Variants in ARL14EP observed in about 807,000 individuals in gnomAD.
ARL14EP encodes the protein ARF like GTPase 14 effector protein, also known as ARL14 effector protein.
ARL14EP carries 12 observed loss-of-function variants against 23.1 expected under a neutral mutation model. The ratio of observed to expected loss-of-function variants is 0.52; its 90% CI spans 0.33 to 0.84. The LOEUF (loss-of-function observed/expected upper bound fraction) is 0.84. Among genes scored for constraint, ARL14EP ranks in the 40% least tolerant of loss-of-function variants. The pLI, the probability that ARL14EP is intolerant of heterozygous loss-of-function variation, is 0.02. For synonymous variants in ARL14EP, 97 were observed against 102.0 expected, an observed-to-expected ratio of 0.95 and a Z score of 0.29; for missense variants, 253 against 307.3, an observed-to-expected ratio of 0.82 and a Z score of 1.32.
rs1370868789 is a variant in ARL14EP at position 30,336,831 on chromosome 11, T to C, written c.*36T>C. The C allele has an allele frequency of 6.4e-7, 1 of 1,551,144 alleles. No homozygotes were observed. Among genetic ancestry groups the C allele is most frequent in the Non-Finnish European group, 8.9e-7 (1 of 1,123,720 alleles). ...CAAACTATGGAGCCTTTAAAGGTCT[T>C]TATTTCTAAAAATCTGTTACTCTAA... On this transcript the variant is annotated 3_prime_UTR_variant, in exon 4 of 4. Coordinates refer to ENST00000282032, the MANE Select transcript of ARL14EP (RefSeq NM_152316.3).
At chr11:30,334,028 A>G (rs1400844877) in intron 3 of ARL14EP, among the ~76,000 whole-genome samples, 1 of 152,146 alleles carries the variant, frequency 6.6e-6, no homozygotes, top group Non-Finnish European at 1.5e-5. Context: ...ACCCTCTTCA[A>G]TTCTCTGAAG....
chr11:30,331,398 C>T (rs11031050), intron 2 of ARL14EP, 24 bp downstream of exon 2: 7 of 1,613,210 alleles, frequency 4.3e-6, no homozygotes, highest in African/African-American at 4.0e-5. Flanking sequence ...TCATTTTTTT[C>T]TACATTGTGA....
intron 1 of ARL14EP, among the ~76,000 whole-genome samples, chr11:30,327,573 C>T (rs1046299410): frequency 6.6e-6 from 1 of 151,958 alleles, no homozygotes; most frequent in African/African-American, 2.4e-5. Flanking sequence ...TGATGATTAC[C>T]TCCAAATAAA....
chr11:30,326,820 AGTTTTACTCAGGTGTGTG>A, intron 1 of ARL14EP, among the ~76,000 whole-genome samples: 1 of 65,598 alleles, frequency 1.5e-5, no homozygotes, highest in East Asian at 1.2e-3. Flanking sequence ...AGGTGTGTGC[AGTTTTACTCAGGTGTGTG>A]CAGTTTTACT....
In ARL14EP at chr11:30,330,657, A is replaced by G. The variant is rs561768688; in HGVS notation, c.-63-229A>G. ...AATATTTCTTATTTCCTCCTTTTTAATTCTTATGTGGTCTTAAATATAATC... is the reference window on the plus strand; with the variant it reads ...AATATTTCTTATTTCCTCCTTTTTAGTTCTTATGTGGTCTTAAATATAATC... On this transcript the variant is annotated intron_variant, in intron 1 of 3. Transcript: ENST00000282032. 162 of 315,076 alleles carry G rather than the reference A, an allele frequency of 5.1e-4. 1 individual carries two copies. Among genetic ancestry groups the G allele is most frequent in the African/African-American group, 3.2e-3 (147 of 46,016 alleles). 19.5% of individuals were successfully genotyped at this position (315,076 alleles called of 1,614,324 possible). A position where few individuals can be genotyped will look rare whatever the true frequency, so the allele number is the denominator to read the frequency against.
intron 3 of ARL14EP, among the ~76,000 whole-genome samples, chr11:30,336,362 AC>A (rs1947331713): frequency 6.6e-6 from 1 of 151,694 alleles, no homozygotes. Flanking sequence ...TTGTCTCAAC[AC>A]TCTATAGAGT....
intron 3 of ARL14EP, among the ~76,000 whole-genome samples, chr11:30,334,058 C>G (rs1431079865): frequency 6.6e-6 from 1 of 152,046 alleles, no homozygotes; most frequent in Non-Finnish European, 1.5e-5. Context: ...AGTGAGGAAG[C>G]TTCAGAAGAA....
intron 1 of ARL14EP, 49 bp downstream of exon 1, chr11:30,323,251 CA>C: frequency 6.5e-6 from 1 of 153,290 alleles, no homozygotes; most frequent in Non-Finnish European, 1.5e-5. Context: ...AGAGTGGAGA[CA>C]GGCCCCTGGG....
chr11:30,332,300 G>T (rs921730572), intron 2 of ARL14EP, among the ~76,000 whole-genome samples: 1 of 150,498 alleles, frequency 6.6e-6, no homozygotes, highest in African/African-American at 2.4e-5. Context: ...CTTGCTGATA[G>T]TGTCATTGTA....
In ARL14EP at chr11:30,327,406, T is replaced by C. The variant is rs181964266; in HGVS notation, c.-63-3480T>C. 2.6e-5 allele frequency among the ~76,000 whole-genome samples: 4 copies of C among 152,336 alleles called. No individual in the cohort carries two copies. In the East Asian group the frequency reaches 7.7e-4, roughly 29 times the overall value. On this transcript the variant is annotated intron_variant, in intron 1 of 3. Transcript: ENST00000282032. Reference sequence around the variant, plus strand: ...AATTACCCTAAAGGGTAAAAATGTATTATTACTATGGACAGATAAGGTTTC... The same window carrying C: ...AATTACCCTAAAGGGTAAAAATGTACTATTACTATGGACAGATAAGGTTTC...
rs1947277189 is a variant in ARL14EP at position 30,330,942 on chromosome 11, A to C, written c.-7A>C. 18 of 1,613,470 alleles carry C rather than the reference A, an allele frequency of 1.1e-5. No individual in the cohort carries two copies. Among genetic ancestry groups the C allele is most frequent in the Non-Finnish European group, 1.5e-5 (18 of 1,179,638 alleles). On this transcript the variant is annotated 5_prime_UTR_variant, in exon 2 of 4. Transcript: ENST00000282032. Reference sequence around the variant, plus strand: ...AAAATAAAACGGAAAATTTGCTAGAATCAAGAATGATGGATCCATGTTCAG... The same window carrying C: ...AAAATAAAACGGAAAATTTGCTAGACTCAAGAATGATGGATCCATGTTCAG...
intron 1 of ARL14EP, among the ~76,000 whole-genome samples, chr11:30,325,018 T>G (rs555853837): frequency 4.4e-4 from 67 of 152,342 alleles, no homozygotes; most frequent in African/African-American, 1.6e-3. Flanking sequence ...ATAAGAAATC[T>G]GGACTTAGGA....
At chr11:30,335,370 A>C (rs188429053) in intron 3 of ARL14EP, among the ~76,000 whole-genome samples, 275 of 152,356 alleles carry the variant, frequency 1.8e-3, no homozygotes, top group African/African-American at 6.2e-3. Context: ...TAGTAGATAA[A>C]GCAGAGGCAG....
In ARL14EP at chr11:30,337,388, C is replaced by T. The variant is rs1004066252; in HGVS notation, c.*593C>T. 7 of 153,196 alleles carry T rather than the reference C, an allele frequency of 4.6e-5. No individual in the cohort carries two copies. The highest frequency in any genetic ancestry group is 1.7e-4 in the African/African-American group (7 of 41,382). 9.5% of individuals were successfully genotyped at this position (153,196 alleles called of 1,614,324 possible). A position where few individuals can be genotyped will look rare whatever the true frequency, so the allele number is the denominator to read the frequency against. On this transcript the variant is annotated 3_prime_UTR_variant, in exon 4 of 4. Coordinates refer to ENST00000282032, the MANE Select transcript of ARL14EP (RefSeq NM_152316.3). The stretch of plus-strand genomic sequence containing the variant: ...GTCTCTCTGTCATCTACTTGACATT[C>T]TATAGAAGTGAACACTCGAAAGAAC...
At chr11:30,333,658 C>G (rs1445276749) in intron 3 of ARL14EP, among the ~76,000 whole-genome samples, 1 of 152,108 alleles carries the variant, frequency 6.6e-6, no homozygotes, top group African/African-American at 2.4e-5. Context: ...CCCTGAGAAA[C>G]AAATATATTG....
chr11:30,330,570 G>A (rs1434153006), intron 1 of ARL14EP: 1 of 180,270 alleles, frequency 5.5e-6, no homozygotes, highest in African/African-American at 2.4e-5. Flanking sequence ...CATCCCTGGT[G>A]AATTCTCTTA....
At chr11:30,334,605 G>A (rs757061329) in intron 3 of ARL14EP, among the ~76,000 whole-genome samples, 13 of 152,124 alleles carry the variant, frequency 8.5e-5, no homozygotes, top group Non-Finnish European at 1.2e-4. Flanking sequence ...AGGACAGGCC[G>A]TTTCTCTTGG....
chr11:30,327,737 TC>T (rs1197263862), intron 1 of ARL14EP, among the ~76,000 whole-genome samples: 1 of 145,896 alleles, frequency 6.9e-6, no homozygotes, highest in Non-Finnish European at 1.5e-5. Context: ...GGCAGGCGGA[TC>T]ACGAGGTCAG....
chr11:30,334,208 CTTTTTTTTTTTTTT>C (rs36111177), intron 3 of ARL14EP, among the ~76,000 whole-genome samples: 1 of 86,012 alleles, frequency 1.2e-5, no homozygotes, highest in African/African-American at 5.0e-5. Flanking sequence ...GACCAGCCTT[CTTTTTTTTTTTTTT>C]TTTTTTTTTT....
Sources: allele counts gnomAD v4.1 joint callset (sites outside exome capture counted in the v4.1 genomes callset), GRCh38; gene constraint gnomAD v4.1.1; transcripts MANE v1.5; gene names NCBI Gene and HGNC (gene_info 2026-07-23, HGNC 2026-07-21).